The following DGKB variants were observed in gnomAD, a reference collection of about 807,000 sequenced individuals.
DGKB encodes the protein diacylglycerol kinase beta.
DGKB carries 67 observed loss-of-function variants against 114.3 expected under a neutral mutation model. The observed-to-expected ratio is 0.59, with a 90% CI of 0.48 to 0.72. The LOEUF is 0.72. DGKB is among the 30% of genes least tolerant of loss of function. DGKB has a pLI of 0.00. For missense variants in DGKB, 907 were observed against 975.2 expected, an observed-to-expected ratio of 0.93 and a Z score of 0.93; for synonymous variants, 398 against 323.1, an observed-to-expected ratio of 1.23 and a Z score of -2.49.
At chr7:14,897,464 G>C (rs76048766) in intron 1 of DGKB, among the ~76,000 whole-genome samples, 2,203 of 151,824 alleles carry the variant, frequency 0.015, 48 homozygotes, top group African/African-American at 0.05. Flanking sequence ...AGGGAAATAA[G>C]AGTTTAAGAA....
At chr7:14,181,361 C>G (rs1025550021) in intron 23 of DGKB, among the ~76,000 whole-genome samples, 1 of 152,102 alleles carries the variant, frequency 6.6e-6, no homozygotes, top group Non-Finnish European at 1.5e-5. Context: ...TTTTTTAGTG[C>G]CTGAAAGACA....
intron 15 of DGKB, among the ~76,000 whole-genome samples, chr7:14,620,840 C>G (rs1217115933): frequency 6.6e-6 from 1 of 151,420 alleles, no homozygotes; most frequent in East Asian, 1.9e-4. Context: ...GTTTATTTAA[C>G]CTAGATATAT....
At chr7:14,243,327 G>T (rs1239004006) in intron 23 of DGKB, among the ~76,000 whole-genome samples, 1 of 152,166 alleles carries the variant, frequency 6.6e-6, no homozygotes, top group Non-Finnish European at 1.5e-5. Flanking sequence ...AGTGTGAATG[G>T]AACTGAACTC....
chr7:14,844,365 A>C (rs1017735722), intron 1 of DGKB, among the ~76,000 whole-genome samples: 8 of 152,218 alleles, frequency 5.3e-5, no homozygotes, highest in Admixed American at 5.2e-4. Context: ...GTAAGCAAAT[A>C]ACTAATCAGG....
intron 23 of DGKB, among the ~76,000 whole-genome samples, chr7:14,195,311 C>G (rs1329141487): frequency 6.6e-6 from 1 of 152,090 alleles, no homozygotes; most frequent in African/African-American, 2.4e-5. Context: ...CATCACTAAA[C>G]AAAGCAAGCG....
At chr7:14,715,192 T>C (rs948792457) in intron 6 of DGKB, among the ~76,000 whole-genome samples, 1 of 152,168 alleles carries the variant, frequency 6.6e-6, no homozygotes, top group Non-Finnish European at 1.5e-5. Context: ...TACTATGCAA[T>C]AATTAAATTA....
intron 23 of DGKB, among the ~76,000 whole-genome samples, chr7:14,262,066 CTTAGG>C (rs2128414549): frequency 6.6e-6 from 1 of 152,176 alleles, no homozygotes; most frequent in African/African-American, 2.4e-5. Flanking sequence ...CCTATCTTGT[CTTAGG>C]TTAGGAGAAA....
At chr7:14,440,156 G>T (rs1289886862) in intron 21 of DGKB, among the ~76,000 whole-genome samples, 1 of 152,088 alleles carries the variant, frequency 6.6e-6, no homozygotes, top group African/African-American at 2.4e-5. Context: ...AGGAGGTAAC[G>T]ATTGGTCAGC....
intron 15 of DGKB, among the ~76,000 whole-genome samples, chr7:14,617,855 A>G (rs896102364): frequency 1.3e-5 from 2 of 151,632 alleles, no homozygotes; most frequent in South Asian, 4.1e-4. Flanking sequence ...CACTTTATTA[A>G]TGGGGCCTAA....
intron 10 of DGKB, among the ~76,000 whole-genome samples, chr7:14,684,162 G>T (rs1343429441): frequency 6.6e-6 from 1 of 152,078 alleles, no homozygotes; most frequent in Non-Finnish European, 1.5e-5. Flanking sequence ...AAATAGTTCA[G>T]AAATCATATG....
intron 18 of DGKB, among the ~76,000 whole-genome samples, chr7:14,581,513 G>C (rs1224650207): frequency 6.6e-6 from 1 of 152,202 alleles, no homozygotes; most frequent in East Asian, 1.9e-4. Context: ...AATACAACGA[G>C]ATCAGCAGGT....
chr7:14,488,826 C>T lies in DGKB; in HGVS notation c.1771-10601G>A, dbSNP rs549804501. On this transcript the variant is annotated intron_variant, in intron 20 of 25. Transcript: ENST00000402815. ...CAAACGGGGTGACAGAGCAAGACTC[C>T]GTCTCCAAAAAAAAACAAAAAAAAA... Among the ~76,000 whole-genome samples, 18 of 130,100 alleles carry T rather than the reference C, an allele frequency of 1.4e-4. 1 individual carries two copies. Among genetic ancestry groups the T allele is most frequent in the African/African-American group, 3.0e-4 (10 of 32,902 alleles). 85.4% of individuals were successfully genotyped at this position (130,100 alleles called of 152,430 possible). A position where few individuals can be genotyped will look rare whatever the true frequency, so the allele number is the denominator to read the frequency against.
intron 21 of DGKB, among the ~76,000 whole-genome samples, chr7:14,392,995 G>GTTTTTTTGTTTTTTTTTTTTTTTTTT (rs1554404750): frequency 6.8e-4 from 41 of 60,548 alleles, no homozygotes; most frequent in South Asian, 1.7e-3. Flanking sequence ...TTTTGTTTTT[G>GTTTTTTTGTTTTTTTTTTTTTTTTTT]TTTTTTTTTT....
chr7:14,264,101 A>G (rs1020665891), intron 23 of DGKB, among the ~76,000 whole-genome samples: 7 of 152,098 alleles, frequency 4.6e-5, no homozygotes, highest in African/African-American at 1.7e-4. Context: ...CATGTGATCA[A>G]ATCAGATTCA....
chr7:14,345,225 C>A (rs1001260031), intron 22 of DGKB, 76 bp downstream of exon 22: 30 of 775,562 alleles, frequency 3.9e-5, no homozygotes, highest in Non-Finnish European at 6.0e-5. Context: ...ATTCCATGGG[C>A]TCCAATGCAA....
chr7:14,758,971 C>G (rs953444346), intron 2 of DGKB, among the ~76,000 whole-genome samples: 28 of 148,558 alleles, frequency 1.9e-4, no homozygotes, highest in African/African-American at 7.1e-4. Context: ...GTTACCCAGG[C>G]TGGAGTGCAA....
chr7:14,709,844 A>T (rs924383972), intron 6 of DGKB, among the ~76,000 whole-genome samples: 3 of 148,782 alleles, frequency 2.0e-5, no homozygotes, highest in Non-Finnish European at 4.5e-5. Context: ...GAGGGATAGC[A>T]TTGGGAGATA....
chr7:14,883,028 T>A (rs1854477353), intron 1 of DGKB, among the ~76,000 whole-genome samples: 3 of 151,902 alleles, frequency 2.0e-5, no homozygotes. Context: ...AGGTAATGGC[T>A]GAAGATTTAA....
chr7:14,465,010 G>T (rs1301982763), intron 21 of DGKB, among the ~76,000 whole-genome samples: 1 of 152,274 alleles, frequency 6.6e-6, no homozygotes, highest in African/African-American at 2.4e-5. Context: ...GCGACTCTCA[G>T]TGGAAAAACT....
Sources: gnomAD v4.1 joint callset for allele counts (sites outside exome capture counted in the v4.1 genomes callset) on GRCh38, gnomAD v4.1.1 for gene constraint, MANE v1.5 for transcripts, NCBI Gene and HGNC (gene_info 2026-07-23, HGNC 2026-07-21) for gene names.